The following WRAP53 variants were observed in gnomAD, a reference collection of about 807,000 sequenced individuals.
WRAP53 encodes telomerase Cajal body protein 1.
Under a neutral mutation model 56.6 loss-of-function variants are expected in WRAP53, and 28 were observed. The ratio of observed to expected loss-of-function variants is 0.50; its 90% CI spans 0.37 to 0.68. WRAP53 has a LOEUF of 0.68. Among genes scored for constraint, WRAP53 ranks in the 30% least tolerant of loss-of-function variants. The probability of loss-of-function intolerance (pLI) is 0.00; values close to 1 mark genes in which losing one functional copy is unlikely to be tolerated. For missense variants in WRAP53, 671 were observed against 715.5 expected, an observed-to-expected ratio of 0.94 and a Z score of 0.71; for synonymous variants, 283 against 283.4, an observed-to-expected ratio of 1.00 and a Z score of 0.01.
rs750517279 is a variant in WRAP53, at chr17:7,689,674, G to C, written c.615G>C (p.Glu205Asp). The C allele has an allele frequency of 8.7e-6, 14 of 1,614,050 alleles. No individual in the cohort carries two copies. The highest frequency in any genetic ancestry group is 1.3e-5 in the African/African-American group (1 of 74,934). The change falls in exon 4 of 11, where the codon GAG becomes GAC. Residue 205 changes from glutamate to aspartate, a missense_variant. Glu to Asp is a conservative substitution (Grantham distance 45, BLOSUM62 2). Around this residue, in one of 3 missense-constraint regions of WRAP53, gnomAD observed 406 missense variants for 418.5 expected, o/e 0.97. Coordinates refer to ENST00000396463, the MANE Select transcript of WRAP53 (RefSeq NM_001143992.2). ...ACCTGCCCCCAGAGCTGTACCATGA[G>C]GGGGAGCAGGTGGAATATGCAGAAA... is the stretch of plus-strand genomic sequence containing the variant. ...IYNLPPELYH[E>D]GEQVEYAEMV...
chr17:7,689,094 C>T lies in WRAP53; in HGVS notation c.431+15C>T, dbSNP rs17880740. 6.2e-4 allele frequency: 994 copies of T among 1,614,076 alleles called. 10 individuals carry two copies. The highest frequency in any genetic ancestry group is 6.0e-3 in the South Asian group (546 of 91,084). The stretch of plus-strand genomic sequence containing the variant: ...GAGGGAGACACGTAAGTGGTGATGG[C>T]AGTGGAGTGTGGAGTCTGGGGAGAT... On this transcript the variant is annotated intron_variant, in intron 2 of 10. Coordinates refer to ENST00000396463, the MANE Select transcript of WRAP53 (RefSeq NM_001143992.2).
chr17:7,696,290 ATTTTTTTTTT>A lies in WRAP53; in HGVS notation c.643-4434_643-4425del, dbSNP rs35901058. Among the ~76,000 whole-genome samples, 132 of 79,906 alleles carry A rather than the reference ATTTTTTTTTT, an allele frequency of 1.7e-3. 3 individuals carry two copies. The South Asian group carries it at 0.045, about 27-fold the overall frequency. 52.4% of individuals were successfully genotyped at this position (79,906 alleles called of 152,430 possible). A position where few individuals can be genotyped will look rare whatever the true frequency, so the allele number is the denominator to read the frequency against. ...AGAGTCAAAATGGCGGGACTCAGAGATTTTTTTTTTTTTTTTTTTTTTTTTTGAAATGGAG... is the reference window on the plus strand; with the variant it reads ...AGAGTCAAAATGGCGGGACTCAGAGATTTTTTTTTTTTTTTTGAAATGGAG... On this transcript the variant is annotated intron_variant, in intron 4 of 10. Transcript: ENST00000396463.
At chr17:7,690,637 C>T (rs1319228289) in intron 4 of WRAP53, among the ~76,000 whole-genome samples, 2 of 152,212 alleles carry the variant, frequency 1.3e-5, no homozygotes, top group Non-Finnish European at 2.9e-5. Flanking sequence ...AAAGGCCCTG[C>T]ATGGTGGCTC....
chr17:7,701,536 C>A lies in WRAP53; in HGVS notation c.809C>A (p.Ala270Asp). ...GGAGAGCTCCGGGCTTCCTTTCGCG[C>A]CTACAACCACCTGGTAGGGACCGCC... ...FTGELRASFR[A>D]YNHLDELTAA... The change falls in exon 6 of 11, where the codon GCC becomes GAC. Residue 270 changes from alanine (A) to aspartate (D), a missense_variant. By Grantham distance (126) the Ala-to-Asp change is moderately radical. Coordinates refer to ENST00000396463, the MANE Select transcript of WRAP53 (RefSeq NM_001143992.2). This position sits in a 1 kb window ranked among gnomAD's most constrained non-coding sequence, Gnocchi z 4.2. 2 of 1,614,252 alleles carry A rather than the reference C, an allele frequency of 1.2e-6. No homozygotes were observed. The highest frequency in any genetic ancestry group is 8.5e-7 in the Non-Finnish European group (1 of 1,180,054).
intron 4 of WRAP53, among the ~76,000 whole-genome samples, chr17:7,691,539 G>A (rs1205125447): frequency 2.0e-5 from 3 of 151,490 alleles, no homozygotes; most frequent in African/African-American, 7.3e-5. Context: ...ACAGGCACCC[G>A]CCACCATGCC....
At position 7,702,107 on chromosome 17, in the gene WRAP53, A is replaced by G; in HGVS notation, c.956-237A>G. ...GTTTTCCTGTAGGCCTTCAACTTGC[A>G]TCTCTCCAAGGAAGAACTGGGATTT... is the stretch of plus-strand genomic sequence containing the variant. On this transcript the variant is annotated intron_variant, in intron 7 of 10. Transcript: ENST00000396463. The surrounding 1 kb of genome is among the most constrained non-coding windows in gnomAD (Gnocchi z 5.0). The G allele has an allele frequency of 1.4e-6, 1 of 702,078 alleles. No individual in the cohort carries two copies. The allele number at this position is 702,078 out of a possible 1,614,324, so 43.5% of individuals were successfully genotyped here.
At chr17:7,700,935 G>T in intron 5 of WRAP53, 106 bp downstream of exon 5, 1 of 847,370 alleles carries the variant, frequency 1.2e-6, no homozygotes, top group Non-Finnish European at 2.0e-6. Flanking sequence ...GGAAGGCTTG[G>T]CATGCTTATC....
rs1208925550 is a variant in WRAP53 at position 7,701,527 on chromosome 17, C to A, written c.800C>A (p.Ser267Tyr). Residue 267 changes from serine (S) to tyrosine (Y), a missense_variant, in exon 6 of 11, where the codon TCC becomes TAC. Physicochemically the swap from Ser to Tyr is moderately radical, Grantham distance 144. Around this residue, in one of 3 missense-constraint regions of WRAP53, gnomAD observed 406 missense variants for 418.5 expected, o/e 0.97. Transcript: ENST00000396463. The surrounding 1 kb of genome is among the most constrained non-coding windows in gnomAD (Gnocchi z 4.2). ...WDAFTGELRA[S>Y]FRAYNHLDEL... ...GCATTCACTGGAGAGCTCCGGGCTT[C>A]CTTTCGCGCCTACAACCACCTGGTA... is the stretch of plus-strand genomic sequence containing the variant. The A allele has an allele frequency of 2.5e-6, 4 of 1,614,122 alleles. No homozygotes were observed. The highest frequency in any genetic ancestry group is 1.7e-6 in the Non-Finnish European group (2 of 1,180,058).
upstream of WRAP53, chr17:7,688,395 G>T (rs2074047808): frequency 3.6e-6 from 2 of 552,338 alleles, no homozygotes; most frequent in Non-Finnish European, 6.4e-6. Context: ...ATCTGATCCG[G>T]GATGCGGCGG....
intron 4 of WRAP53, among the ~76,000 whole-genome samples, chr17:7,690,680 G>C (rs978633307): frequency 6.6e-6 from 1 of 152,176 alleles, no homozygotes; most frequent in African/African-American, 2.4e-5. Flanking sequence ...AGGAGGCCGA[G>C]GTGTGCAGAT....
At chr17:7,691,390 G>GTTTTTTTTTTTTTTTT (rs200960465) in intron 4 of WRAP53, among the ~76,000 whole-genome samples, 1 of 140,146 alleles carries the variant, frequency 7.1e-6, no homozygotes, top group African/African-American at 3.0e-5. Context: ...CATGAGAGAG[G>GTTTTTTTTTTTTTTTT]TGTTTTTTTT....
chr17:7,700,707 C>G (rs760316057), intron 4 of WRAP53, 34 bp from the exon 5 acceptor site: 1 of 1,534,850 alleles, frequency 6.5e-7, no homozygotes, highest in Non-Finnish European at 9.0e-7. Flanking sequence ...CTTTTCCCTC[C>G]GAGTGACTCA....
Position 7,703,398 on chromosome 17 carries a change from G to A in WRAP53, c.1559G>A (p.Gly520Glu). The change falls in exon 11 of 11, where the codon GGG becomes GAG. Residue 520 changes from glycine (G) to glutamate (E), a missense_variant. This residue lies in a region of WRAP53 where 107 missense variants were observed against 81.3 expected (regional missense o/e 1.32). Transcript: ENST00000396463. The stretch of plus-strand genomic sequence containing the variant: ...TGTCGGCTTCAGCTCTGGTGGTGTG[G>A]GGGGGCGCCAGACTCCAGCATCCCT... Reference protein sequence around the residue: ...LECRLQLWWCGGAPDSSIPDD... With the variant: ...LECRLQLWWCEGAPDSSIPDD... 6.2e-7 allele frequency: 1 copy of A among 1,612,884 alleles called. No homozygotes were observed. The highest frequency in any genetic ancestry group is 1.1e-5 in the South Asian group (1 of 91,054).
chr17:7,702,660 T>C lies in WRAP53; in HGVS notation c.1165-83T>C. 2 of 1,597,688 alleles carry C rather than the reference T, an allele frequency of 1.3e-6. No homozygotes were observed. Among genetic ancestry groups the C allele is most frequent in the South Asian group, 2.2e-5 (2 of 90,916 alleles). On this transcript the variant is annotated intron_variant, in intron 8 of 10. Coordinates refer to ENST00000396463, the MANE Select transcript of WRAP53 (RefSeq NM_001143992.2). This position sits in a 1 kb window ranked among gnomAD's most constrained non-coding sequence, Gnocchi z 5.0. ...TGGGGATGGGGAAAAAATCCCAAGC[T>C]GAAGGAGTGCCTGGAGACCCCGAGG...
chr17:7,696,283 C>G (rs2151091273), intron 4 of WRAP53, among the ~76,000 whole-genome samples: 1 of 143,066 alleles, frequency 7.0e-6, no homozygotes, highest in East Asian at 2.1e-4. Flanking sequence ...AATGGCGGGA[C>G]TCAGAGATTT....
At chr17:7,699,784 AG>A (rs1349310277) in intron 4 of WRAP53, among the ~76,000 whole-genome samples, 4 of 151,150 alleles carry the variant, frequency 2.6e-5, no homozygotes, top group African/African-American at 9.7e-5. Flanking sequence ...CCCAGGCTGG[AG>A]TGCAGTGGCA....
At chr17:7,691,390 G>GTTTTTTTTTTTTTTT (rs200960465) in intron 4 of WRAP53, among the ~76,000 whole-genome samples, 1 of 140,146 alleles carries the variant, frequency 7.1e-6, no homozygotes, top group Non-Finnish European at 1.5e-5. Flanking sequence ...CATGAGAGAG[G>GTTTTTTTTTTTTTTT]TGTTTTTTTT....
intron 4 of WRAP53, among the ~76,000 whole-genome samples, chr17:7,697,429 A>G (rs1363464259): frequency 6.6e-6 from 1 of 152,142 alleles, no homozygotes; most frequent in Non-Finnish European, 1.5e-5. Flanking sequence ...AGGCCGAGGT[A>G]GGCAGATCAC....
rs1257126093 is a variant in WRAP53, at chr17:7,689,270, T to C, written c.478T>C (p.Ser160Pro). Residue 160 changes from serine to proline, a missense_variant, in exon 3 of 11, where the codon TCC becomes CCC. Physicochemically the swap from Ser to Pro is moderately conservative, Grantham distance 74. Around this residue, in one of 3 missense-constraint regions of WRAP53, gnomAD observed 406 missense variants for 418.5 expected, o/e 0.97. Coordinates refer to ENST00000396463, the MANE Select transcript of WRAP53 (RefSeq NM_001143992.2). ...CCAGCTGCCTCGATTTCTCAGTGGT[T>C]CCTGGTCAGAGTTCAGCACCCAACC... is the stretch of plus-strand genomic sequence containing the variant. ...FSQLPRFLSG[S>P]WSEFSTQPEN... 8.7e-6 allele frequency: 14 copies of C among 1,613,922 alleles called. No homozygotes were observed. The highest frequency in any genetic ancestry group is 1.3e-5 in the African/African-American group (1 of 74,854).
Sources: gnomAD v4.1 joint callset for allele counts (sites outside exome capture counted in the v4.1 genomes callset) on GRCh38, gnomAD v4.1.1 for gene constraint, gnomAD v4.1.1 regional missense constraint, Gnocchi (gnomAD v3.1) non-coding constraint, MANE v1.5 for transcripts, NCBI Gene and HGNC (gene_info 2026-07-23, HGNC 2026-07-21) for gene names.